Variants in SPATA4 observed in about 807,000 individuals in gnomAD.
SPATA4 encodes the protein spermatogenesis associated 4, also known as spermatogenesis-associated protein 4.
In SPATA4, 35 loss-of-function variants were observed where a neutral mutation model predicts 31.8. That is an observed-to-expected ratio of 1.10 (90% CI 0.84 to 1.46). The LOEUF is 1.46. Among genes scored for constraint, SPATA4 ranks in the 40% most tolerant of loss-of-function variants. The pLI is 0.00. For missense variants in SPATA4, 394 were observed against 363.1 expected (o/e 1.09, Z -0.69); for synonymous variants, 126 against 132.4 (o/e 0.95, Z 0.33).
At chr4:176,190,157 C>T (rs759434527) in intron 4 of SPATA4, among the ~76,000 whole-genome samples, 18 of 152,136 alleles carry the variant, frequency 1.2e-4, no homozygotes, top group Non-Finnish European at 1.3e-4. Flanking sequence ...GCCCAGGTCG[C>T]GGCACTGGGC....
In SPATA4 at chr4:176,192,823, A is replaced by G. The variant is rs754256830; in HGVS notation, c.492T>C (p.Phe164=). Residue 164 remains phenylalanine, a synonymous_variant, in exon 4 of 6, where the codon TTT becomes TTC. Coordinates refer to ENST00000280191, the MANE Select transcript of SPATA4 (RefSeq NM_144644.4). ...HREIKSIQDD[F]VNFTDYSYQM... ...GGTAGCTATAGTCCGTGAAATTCAC[A>G]AAGTCATCCTGGATACTTTTAATTC... is the stretch of plus-strand genomic sequence containing the variant. 3.7e-6 allele frequency: 6 copies of G among 1,613,962 alleles called. No homozygotes were observed. Among genetic ancestry groups the G allele is most frequent in the South Asian group, 2.2e-5 (2 of 91,004 alleles).
chr4:176,193,344 C>A, intron 2 of SPATA4, 109 bp downstream of exon 2: 1 of 1,360,894 alleles, frequency 7.3e-7, no homozygotes, highest in Non-Finnish European at 1.0e-6. Context: ...AAGCTGCCAA[C>A]TCAGTATCAC....
intron 4 of SPATA4, among the ~76,000 whole-genome samples, chr4:176,191,213 A>G (rs1162625073): frequency 1.3e-5 from 2 of 151,060 alleles, no homozygotes; most frequent in African/African-American, 4.9e-5. Context: ...CTCCTGCTTC[A>G]GCCTCCCCAG....
Position 176,188,218 on chromosome 4 carries a change from G to A in SPATA4, c.706C>T (p.Pro236Ser). The stretch of plus-strand genomic sequence containing the variant: ...TTGAGAGTAACTTCTCCCACTGTTG[G>A]TTTCACATCAAACCATTCTATAAAA... ...KLNPEWFDVK[P>S]TVGEVTLNHL... Residue 236 changes from proline (P) to serine (S), a missense_variant, in exon 5 of 6, where the codon CCA (proline) becomes TCA (serine). Pro to Ser is a moderately conservative substitution (Grantham distance 74). Transcript: ENST00000280191. 6.2e-7 allele frequency: 1 copy of A among 1,609,716 alleles called. No homozygotes were observed. Among genetic ancestry groups the A allele is most frequent in the Non-Finnish European group, 8.5e-7 (1 of 1,178,248 alleles).
rs553655404 is a variant in SPATA4 at position 176,192,792 on chromosome 4, G to C, written c.523C>G (p.Arg175Gly). ...VNFTDYSYQMRLPLVSRSTVS... is the reference protein window; with the variant it reads ...VNFTDYSYQMGLPLVSRSTVS... ...GTAGACCTGGAAACCAGGGGTAAAC[G>C]CATCTGGTAGCTATAGTCCGTGAAA... The change falls in exon 4 of 6, where the codon CGT becomes GGT. Residue 175 changes from arginine to glycine, a missense_variant. Transcript: ENST00000280191. The C allele has an allele frequency of 1.2e-6, 2 of 1,614,044 alleles. No homozygotes were observed. Among genetic ancestry groups the C allele is most frequent in the South Asian group, 1.1e-5 (1 of 91,074 alleles).
chr4:176,188,879 T>C (rs556479757), intron 4 of SPATA4, among the ~76,000 whole-genome samples: 1 of 152,334 alleles, frequency 6.6e-6, no homozygotes, highest in East Asian at 1.9e-4. Context: ...AGTTGCTAAG[T>C]TAATTCCTAC....
At chr4:176,186,760 A>G (rs1035918347) in intron 5 of SPATA4, among the ~76,000 whole-genome samples, 5 of 152,322 alleles carry the variant, frequency 3.3e-5, no homozygotes, top group Admixed American at 2.6e-4. Flanking sequence ...AAAACACTTC[A>G]TTCTGCTTCT....
chr4:176,193,030 C>A lies in SPATA4; in HGVS notation c.395G>T (p.Gly132Val). The change falls in exon 3 of 6, where the codon GGA becomes GTA. Residue 132 changes from glycine (G) to valine (V), a missense_variant. Coordinates refer to ENST00000280191, the MANE Select transcript of SPATA4 (RefSeq NM_144644.4). ...KFKLPKELIH[G>V]TIHCKAGVPE... is the part of the protein sequence containing the mutation. ...CACTCCAGCTTTACAATGAATTGTT[C>A]CATGGATTAGTTCTTTAGGTAATTT... The A allele has an allele frequency of 6.2e-7, 1 of 1,610,194 alleles. No individual in the cohort carries two copies. Among genetic ancestry groups the A allele is most frequent in the South Asian group, 1.1e-5 (1 of 89,554 alleles).
chr4:176,185,840 G>A (rs1752433561), intron 5 of SPATA4, among the ~76,000 whole-genome samples: 1 of 152,136 alleles, frequency 6.6e-6, no homozygotes, highest in Non-Finnish European at 1.5e-5. Context: ...ATAAATGTAT[G>A]TTCACCTTCC....
intron 5 of SPATA4, among the ~76,000 whole-genome samples, chr4:176,185,479 CCT>C (rs1318625471): frequency 4.6e-5 from 7 of 152,236 alleles, no homozygotes; most frequent in South Asian, 4.1e-4. Context: ...TTTTGGCCCC[CCT>C]GTTTGATAAT....
At position 176,184,871 on chromosome 4, in the gene SPATA4, C is replaced by T. The variant is rs1328988010; in HGVS notation, c.827G>A (p.Ser276Asn). The change falls in exon 6 of 6, where the codon AGT (serine) becomes AAT (asparagine). Residue 276 changes from serine to asparagine, a missense_variant. Physicochemically the swap from Ser to Asn is conservative, Grantham distance 46 (BLOSUM62 1). Transcript: ENST00000280191. Reference protein sequence around the residue: ...PVLPNIGSGGSSHREIHVKQA... With the variant: ...PVLPNIGSGGNSHREIHVKQA... ...CTTCACATGTATTTCTCTATGTGAA[C>T]TGCCACCACTACCTATATTTGCTGG... is the stretch of plus-strand genomic sequence containing the variant. The T allele has an allele frequency of 1.3e-6, 2 of 1,595,508 alleles. No individual in the cohort carries two copies. Among genetic ancestry groups the T allele is most frequent in the Non-Finnish European group, 1.7e-6 (2 of 1,170,440 alleles).
intron 5 of SPATA4, among the ~76,000 whole-genome samples, chr4:176,186,455 AC>A (rs1231240914): frequency 6.6e-6 from 1 of 152,184 alleles, no homozygotes; most frequent in African/African-American, 2.4e-5. Flanking sequence ...CCCTGCTGGA[AC>A]TTTCACCACA....
At chr4:176,184,985 G>C in intron 5 of SPATA4, 93 bp from the exon 6 acceptor site, 1 of 646,696 alleles carries the variant, frequency 1.5e-6, no homozygotes, top group Non-Finnish European at 2.6e-6. Flanking sequence ...AATATATGCA[G>C]AATGATTGGC....
Position 176,195,324 on chromosome 4 carries a change from A to G in SPATA4, c.218+21T>C, listed in dbSNP as rs751274268. On this transcript the variant is annotated intron_variant, in intron 1 of 5. Coordinates refer to ENST00000280191, the MANE Select transcript of SPATA4 (RefSeq NM_144644.4). ...GGCGGGGCGCCCACCGGGGGGGCCT[A>G]GGACTGGCTTACTCAAGCACCTGTT... 16 of 1,612,876 alleles carry G rather than the reference A, an allele frequency of 9.9e-6. No individual in the cohort carries two copies. In the South Asian group the frequency reaches 1.8e-4, roughly 18 times the overall value.
rs1579293092 is a variant in SPATA4, at chr4:176,184,783, A to C, written c.915T>G (p.Pro305=). ...MKPIRNMDKK[P] is the part of the protein sequence containing the mutation. ...AAAGCCATTTGACAGGTGCTTTTCA[A>C]GGTTTCTTGTCCATGTTTCTGATAG... The change falls in exon 6 of 6, where the codon CCT becomes CCG. Residue 305 remains proline (P), a synonymous_variant. Coordinates refer to ENST00000280191, the MANE Select transcript of SPATA4 (RefSeq NM_144644.4). The C allele has an allele frequency of 6.3e-7, 1 of 1,581,116 alleles. No individual in the cohort carries two copies. The highest frequency in any genetic ancestry group is 8.6e-7 in the Non-Finnish European group (1 of 1,163,668).
intron 4 of SPATA4, among the ~76,000 whole-genome samples, chr4:176,189,839 T>C (rs1449426453): frequency 2.6e-5 from 4 of 152,138 alleles, no homozygotes; most frequent in African/African-American, 7.2e-5. Flanking sequence ...ACAAAACCCC[T>C]CAGACACCAA....
intron 1 of SPATA4, 106 bp downstream of exon 1, chr4:176,195,239 A>G (rs1238178792): frequency 7.3e-6 from 8 of 1,088,436 alleles, no homozygotes; most frequent in Non-Finnish European, 1.1e-5. Flanking sequence ...GGGGGTCTTG[A>G]TTTGAAACAT....
chr4:176,190,431 T>C (rs1352430612), intron 4 of SPATA4, among the ~76,000 whole-genome samples: 1 of 152,230 alleles, frequency 6.6e-6, no homozygotes, highest in Non-Finnish European at 1.5e-5. Context: ...ACCACAAATA[T>C]CATGACTTAA....
chr4:176,188,085 A>T (rs1323431507), intron 5 of SPATA4, 34 bp downstream of exon 5: 1 of 1,486,548 alleles, frequency 6.7e-7, no homozygotes, highest in Admixed American at 1.8e-5. Context: ...AGCAAAAAAA[A>T]ATCAATTTTA....
Sources: allele counts gnomAD v4.1 joint callset (sites outside exome capture counted in the v4.1 genomes callset), GRCh38; gene constraint gnomAD v4.1.1; transcripts MANE v1.5; gene names NCBI Gene and HGNC (gene_info 2026-07-23, HGNC 2026-07-21).